Variants in PCYT1B observed in about 807,000 individuals in gnomAD.
PCYT1B encodes phosphate cytidylyltransferase 1B, choline, also known as choline-phosphate cytidylyltransferase B.
In PCYT1B, 10 loss-of-function variants were observed where a neutral mutation model predicts 26.4. That is an observed-to-expected ratio of 0.38 (90% CI 0.23 to 0.64). The LOEUF (loss-of-function observed/expected upper bound fraction) is 0.64. PCYT1B is among the 30% of genes least tolerant of loss of function. The pLI, the probability that PCYT1B is intolerant of heterozygous loss-of-function variation, is 0.56. For missense variants in PCYT1B, 161 were observed against 292.7 expected (o/e 0.55, Z 3.28); for synonymous variants, 131 against 108.4 (o/e 1.21, Z -1.29).
At chrX:24,574,026 A>G (rs1482949317) in intron 7 of PCYT1B, among the ~76,000 whole-genome samples, 2 of 111,230 alleles carry the variant, frequency 1.8e-5, no homozygotes, top group Non-Finnish European at 3.8e-5. Context: ...TTCTTTTTCT[A>G]TTACTAATTG....
At chrX:24,597,365 C>T (rs889776765) in intron 3 of PCYT1B, among the ~76,000 whole-genome samples, 11 of 111,258 alleles carry the variant, frequency 9.9e-5, no homozygotes, top group African/African-American at 2.3e-4. Flanking sequence ...CCTCATGATC[C>T]GCCCACTCGG....
At position 24,579,374 on chromosome X, in the gene PCYT1B, G is replaced by A. The variant is rs754864755; in HGVS notation, c.650C>T (p.Ala217Val). The A allele has an allele frequency of 1.7e-6, 2 of 1,207,315 alleles. No individual in the cohort carries two copies. Among genetic ancestry groups the A allele is most frequent in the East Asian group, 3.0e-5 (1 of 33,806 alleles). Residue 217 changes from alanine to valine, a missense_variant, in exon 6 of 8, where the codon GCC (alanine) becomes GTC (valine). This residue lies in a region of PCYT1B where 65 missense variants were observed against 145.0 expected (regional missense o/e 0.45). Transcript: ENST00000379144. ...TRIVRDYDVY[A>V]RRNLQRGYTA... ...ATACCCTCTCTGGAGGTTACGTCGGGCATAAACATCATAGTCACGAACAAT... is the reference window on the plus strand; with the variant it reads ...ATACCCTCTCTGGAGGTTACGTCGGACATAAACATCATAGTCACGAACAAT...
intron 1 of PCYT1B, among the ~76,000 whole-genome samples, chrX:24,662,473 C>T (rs760724036): frequency 1.8e-5 from 2 of 111,393 alleles, no homozygotes; most frequent in African/African-American, 3.3e-5. Context: ...GGCTCTGCCC[C>T]GGCACCCTGA....
rs1359108932 is a variant in PCYT1B at position 24,560,802 on chromosome X, T to G, written c.*1491A>C. 1.8e-5 allele frequency: 2 copies of G among 112,055 alleles called. No homozygotes were observed. Among genetic ancestry groups the G allele is most frequent in the African/African-American group, 3.3e-5 (1 of 30,703 alleles). The allele number at this position is 112,055 out of a possible 1,213,427, so 9.2% of individuals were successfully genotyped here. On this transcript the variant is annotated 3_prime_UTR_variant, in exon 8 of 8. Coordinates refer to ENST00000379144, the MANE Select transcript of PCYT1B (RefSeq NM_004845.5). Reference sequence around the variant, plus strand: ...GTTGCTGGTTTGGGCCTCTATTCAGTCAGACCCCAGCTCTGTGTCTGAATT... The same window carrying G: ...GTTGCTGGTTTGGGCCTCTATTCAGGCAGACCCCAGCTCTGTGTCTGAATT...
chrX:24,607,663 C>A, intron 3 of PCYT1B, 82 bp downstream of exon 3: 1 of 511,150 alleles, frequency 2.0e-6, no homozygotes, highest in African/African-American at 2.4e-5. Context: ...GAGATTTTTA[C>A]TGATGGAACT....
intron 1 of PCYT1B, among the ~76,000 whole-genome samples, chrX:24,657,299 T>G (rs940135496): frequency 8.9e-6 from 1 of 111,812 alleles, no homozygotes; most frequent in East Asian, 2.8e-4. Flanking sequence ...AGTCCAGACA[T>G]GCAGCTGAAA....
chrX:24,587,658 C>G (rs181695713), intron 4 of PCYT1B, among the ~76,000 whole-genome samples: 2 of 111,686 alleles, frequency 1.8e-5, no homozygotes, highest in East Asian at 5.6e-4. Flanking sequence ...TTTATCATCC[C>G]TCCTATGATG....
intron 1 of PCYT1B, among the ~76,000 whole-genome samples, chrX:24,628,446 T>C (rs922916048): frequency 9.0e-6 from 1 of 111,684 alleles, no homozygotes; most frequent in African/African-American, 3.3e-5. Flanking sequence ...ATAAAATAAA[T>C]ATATTTGTCA....
intron 5 of PCYT1B, among the ~76,000 whole-genome samples, chrX:24,581,348 G>T (rs61761925): frequency 0.013 from 1,398 of 111,477 alleles, 14 homozygotes; most frequent in Non-Finnish European, 0.019. Context: ...TGCAGGGGGG[G>T]ACTGCTGTTG....
At chrX:24,570,444 G>T (rs1299492633) in intron 7 of PCYT1B, among the ~76,000 whole-genome samples, 1 of 108,410 alleles carries the variant, frequency 9.2e-6, no homozygotes, top group Non-Finnish European at 1.9e-5. Flanking sequence ...AGTAAAGATG[G>T]GGTTTCACCA....
intron 3 of PCYT1B, among the ~76,000 whole-genome samples, chrX:24,601,786 C>T (rs1054193956): frequency 7.2e-5 from 8 of 111,485 alleles, no homozygotes; most frequent in African/African-American, 2.6e-4. Context: ...AACATTGATA[C>T]AACCAAATGC....
At chrX:24,642,740 G>A (rs758158949) in intron 1 of PCYT1B, among the ~76,000 whole-genome samples, 16 of 111,692 alleles carry the variant, frequency 1.4e-4, no homozygotes, top group South Asian at 7.7e-4. Flanking sequence ...CCAATATTGC[G>A]CATTAAGAGT....
chrX:24,640,061 A>G (rs1926416316), intron 1 of PCYT1B, among the ~76,000 whole-genome samples: 3 of 112,065 alleles, frequency 2.7e-5, no homozygotes, highest in African/African-American at 6.5e-5. Flanking sequence ...AAAGGAACGA[A>G]AGAAGGAAGG....
At position 24,561,974 on chromosome X, in the gene PCYT1B, G is replaced by C. The variant is rs1923433413; in HGVS notation, c.*319C>G. 9.4e-6 allele frequency: 7 copies of C among 746,790 alleles called. No homozygotes were observed. Among genetic ancestry groups the C allele is most frequent in the Non-Finnish European group, 1.2e-5 (6 of 494,338 alleles). The allele number at this position is 746,790 out of a possible 1,213,427, so 61.5% of individuals were successfully genotyped here. ...GGTTTACTTGGTGGGGGTGGTGGAA[G>C]GACCAAAGCAGAAGTCACCCCATCA... On this transcript the variant is annotated 3_prime_UTR_variant, in exon 8 of 8. Coordinates refer to ENST00000379144, the MANE Select transcript of PCYT1B (RefSeq NM_004845.5).
intron 5 of PCYT1B, among the ~76,000 whole-genome samples, chrX:24,584,382 G>T (rs1419696589): frequency 8.9e-6 from 1 of 112,337 alleles, no homozygotes; most frequent in Non-Finnish European, 1.9e-5. Flanking sequence ...ACGCCATGCT[G>T]TAACCCATCT....
At chrX:24,583,018 G>T (rs1293845325) in intron 5 of PCYT1B, among the ~76,000 whole-genome samples, 2 of 112,045 alleles carry the variant, frequency 1.8e-5, no homozygotes, top group Non-Finnish European at 3.8e-5. Context: ...ACTAGGGCAA[G>T]TAAAATGCTA....
intron 5 of PCYT1B, among the ~76,000 whole-genome samples, chrX:24,584,623 G>T (rs1344756870): frequency 8.9e-6 from 1 of 112,400 alleles, no homozygotes; most frequent in Non-Finnish European, 1.9e-5. Context: ...TCCCAGGCTG[G>T]CCCACAAGGA....
At chrX:24,660,713 C>T (rs1385933071) in intron 1 of PCYT1B, among the ~76,000 whole-genome samples, 1 of 107,415 alleles carries the variant, frequency 9.3e-6, no homozygotes, top group Non-Finnish European at 1.9e-5. Flanking sequence ...AAAAAAGACA[C>T]TAAGGGTGCC....
At chrX:24,575,108 G>A (rs367853262) in intron 7 of PCYT1B, 22 bp downstream of exon 7, 7 of 1,132,786 alleles carry the variant, frequency 6.2e-6, no homozygotes, top group Non-Finnish European at 7.1e-6. Flanking sequence ...TCATTGTGGG[G>A]TAAAGTGAAA....
Sources: gnomAD v4.1 joint callset for allele counts (sites outside exome capture counted in the v4.1 genomes callset) on GRCh38, gnomAD v4.1.1 for gene constraint, gnomAD v4.1.1 regional missense constraint, MANE v1.5 for transcripts, NCBI Gene and HGNC (gene_info 2026-07-23, HGNC 2026-07-21) for gene names.